Variants in RBM25 observed in about 807,000 individuals in gnomAD.
The protein encoded by RBM25 is RNA binding motif protein 25, also known as RNA-binding protein 25.
Under a neutral mutation model 120.7 loss-of-function variants are expected in RBM25, and 19 were observed. The ratio of observed to expected loss-of-function variants is 0.16; its 90% CI spans 0.11 to 0.23. The LOEUF (loss-of-function observed/expected upper bound fraction) is 0.23, where lower values mean the gene tolerates loss of function less well. Among genes scored for constraint, RBM25 ranks in the 10% least tolerant of loss-of-function variants. The probability of loss-of-function intolerance (pLI) is 1.00; values close to 1 mark genes in which losing one functional copy is unlikely to be tolerated. For missense variants in RBM25, 605 were observed against 1,041.5 expected (o/e 0.58, Z 5.77); for synonymous variants, 390 against 326.7 (o/e 1.19, Z -2.09).
intron 4 of RBM25, among the ~76,000 whole-genome samples, chr14:73,082,940 C>T (rs528812009): frequency 3.3e-5 from 5 of 151,628 alleles, no homozygotes; most frequent in East Asian, 1.9e-4. Flanking sequence ...ATTATCCAGG[C>T]GTGGTGGTGC....
At chr14:73,097,477 G>A (rs1012354844) in intron 7 of RBM25, among the ~76,000 whole-genome samples, 1 of 152,070 alleles carries the variant, frequency 6.6e-6, no homozygotes, top group African/African-American at 2.4e-5. Flanking sequence ...GGGATTACAG[G>A]CGTGAGCCAC....
chr14:73,087,484 C>T (rs960091630), intron 5 of RBM25, among the ~76,000 whole-genome samples: 4 of 152,006 alleles, frequency 2.6e-5, no homozygotes, highest in Non-Finnish European at 5.9e-5. Context: ...CAACCTCCGC[C>T]TCCTGGGTTC....
chr14:73,090,758 C>CTGTG (rs1310169590), intron 6 of RBM25, among the ~76,000 whole-genome samples: 1 of 152,202 alleles, frequency 6.6e-6, no homozygotes, highest in Admixed American at 6.5e-5. Context: ...AGTTTGTGGG[C>CTGTG]TGTGTCTCTT....
rs762896610 is a variant in RBM25, at chr14:73,110,800, G to A, written c.1693-31G>A. The A allele has an allele frequency of 4.4e-6, 7 of 1,578,664 alleles. No individual in the cohort carries two copies. In the African/African-American group the frequency reaches 9.6e-5, roughly 22 times the overall value. ...AAATCAAGTTGAATGGTGTAGAGTT[G>A]TAGTTAATCAGATTATTGTTTGGGT... is the stretch of plus-strand genomic sequence containing the variant. On this transcript the variant is annotated intron_variant, in intron 14 of 18. Transcript: ENST00000261973.
At chr14:73,062,909 C>T (rs1017647174) in intron 1 of RBM25, among the ~76,000 whole-genome samples, 1 of 150,914 alleles carries the variant, frequency 6.6e-6, no homozygotes, top group Admixed American at 6.6e-5. Context: ...CAACCTCCAC[C>T]TCCCGGGCTC....
At chr14:73,059,877 G>GT (rs1199838617) in intron 1 of RBM25, among the ~76,000 whole-genome samples, 2 of 151,964 alleles carry the variant, frequency 1.3e-5, no homozygotes, top group African/African-American at 4.8e-5. Context: ...GTATCTATAC[G>GT]TTATTGGGGT....
intron 1 of RBM25, among the ~76,000 whole-genome samples, chr14:73,064,429 C>G (rs1216299039): frequency 1.3e-5 from 2 of 151,358 alleles, no homozygotes; most frequent in African/African-American, 4.8e-5. Flanking sequence ...GAGTCTCGCT[C>G]TGTCACCCAG....
intron 2 of RBM25, among the ~76,000 whole-genome samples, chr14:73,075,231 G>A (rs139510643): frequency 3.3e-5 from 5 of 150,856 alleles, no homozygotes; most frequent in East Asian, 2.0e-4. Flanking sequence ...GTGTGATCTC[G>A]GCTCACTGCA....
At chr14:73,117,210 CTTTTTTTTTTTTTTTTTTT>C (rs71112704) in intron 18 of RBM25, among the ~76,000 whole-genome samples, 7 of 49,432 alleles carry the variant, frequency 1.4e-4, no homozygotes, top group South Asian at 1.2e-3. Context: ...TTCTTCTTTT[CTTTTTTTTTTTTTTTTTTT>C]TTTTTTTTTT....
chr14:73,088,858 T>G (rs1267895788), intron 6 of RBM25, among the ~76,000 whole-genome samples: 2 of 152,228 alleles, frequency 1.3e-5, no homozygotes, highest in African/African-American at 4.8e-5. Context: ...AAATCGCTTT[T>G]TGCTGGGCAC....
intron 4 of RBM25, among the ~76,000 whole-genome samples, chr14:73,080,336 G>A (rs1200570679): frequency 7.1e-6 from 1 of 141,812 alleles, no homozygotes; most frequent in African/African-American, 2.6e-5. Flanking sequence ...ACATTCTCCT[G>A]CCTCAGCTTC....
In RBM25 at chr14:73,120,804, A is replaced by C. The variant is rs950573027; in HGVS notation, c.*999A>C. On this transcript the variant is annotated 3_prime_UTR_variant, in exon 19 of 19. Transcript: ENST00000261973. ...ATGAAATAAAATTAGGCAAATTGACAGACAGTGAGAGTTTTACAAACATGA... is the reference window on the plus strand; with the variant it reads ...ATGAAATAAAATTAGGCAAATTGACCGACAGTGAGAGTTTTACAAACATGA... 6.6e-6 allele frequency: 1 copy of C among 152,222 alleles called. No homozygotes were observed. Among genetic ancestry groups the C allele is most frequent in the Non-Finnish European group, 1.5e-5 (1 of 68,026 alleles). The allele number at this position is 152,222 out of a possible 1,614,324, so 9.4% of individuals were successfully genotyped here.
At chr14:73,080,122 A>G (rs1037956941) in intron 4 of RBM25, among the ~76,000 whole-genome samples, 3 of 148,192 alleles carry the variant, frequency 2.0e-5, no homozygotes, top group Non-Finnish European at 4.5e-5. Context: ...GTCTTAGGGC[A>G]TGCTTATCTG....
At chr14:73,109,129 G>A in intron 13 of RBM25, 1 of 365,812 alleles carries the variant, frequency 2.7e-6, no homozygotes, top group Non-Finnish European at 5.0e-6. Flanking sequence ...AAGAATGAAG[G>A]GAACATAGTG....
intron 2 of RBM25, among the ~76,000 whole-genome samples, chr14:73,073,426 G>T (rs138807847): frequency 1.2e-4 from 19 of 152,174 alleles, no homozygotes; most frequent in Admixed American, 7.9e-4. Context: ...AGTGGCTCAC[G>T]CCTGTAACCT....
chr14:73,060,280 G>A (rs1894973444), intron 1 of RBM25, among the ~76,000 whole-genome samples: 1 of 151,252 alleles, frequency 6.6e-6, no homozygotes, highest in South Asian at 2.1e-4. Flanking sequence ...CTCGTGATCC[G>A]CCCGCCTAGG....
At chr14:73,087,919 C>T (rs1306063788) in intron 5 of RBM25, 82 bp from the exon 6 acceptor site, 8 of 1,365,702 alleles carry the variant, frequency 5.9e-6, no homozygotes, top group Non-Finnish European at 6.0e-6. Flanking sequence ...AACATTTGGA[C>T]TCTAGTGATT....
intron 9 of RBM25, chr14:73,101,973 GAT>G (rs1377835367): frequency 6.6e-6 from 1 of 151,990 alleles, no homozygotes; most frequent in African/African-American, 2.4e-5. Context: ...ATTCTACTTC[GAT>G]ATAGACTGGC....
intron 1 of RBM25, among the ~76,000 whole-genome samples, chr14:73,070,439 G>C (rs932246564): frequency 8.4e-4 from 1 of 1,186 alleles, no homozygotes; most frequent in Admixed American, 0.018. Context: ...TTACTTTTAA[G>C]TTTAAAAAAA....
Sources: allele counts gnomAD v4.1 joint callset (sites outside exome capture counted in the v4.1 genomes callset), GRCh38; gene constraint gnomAD v4.1.1; transcripts MANE v1.5; gene names NCBI Gene and HGNC (gene_info 2026-07-23, HGNC 2026-07-21).